Variants in NCAPH2 observed in about 807,000 individuals in gnomAD.
NCAPH2 encodes the protein non-SMC condensin II complex subunit H2, also known as condensin-2 complex subunit H2.
In NCAPH2, 56 loss-of-function variants were observed where a neutral mutation model predicts 88.6. The observed-to-expected ratio is 0.63, with a 90% CI of 0.51 to 0.79. The LOEUF is 0.79. Among genes scored for constraint, NCAPH2 ranks in the 30% least tolerant of loss-of-function variants. NCAPH2 has a pLI of 0.00. For missense variants in NCAPH2, 794 were observed against 792.0 expected, an observed-to-expected ratio of 1.00 and a Z score of -0.03; for synonymous variants, 378 against 313.6, an observed-to-expected ratio of 1.21 and a Z score of -2.17.
chr22:50,519,743 A>C, intron 9 of NCAPH2: 2 of 1,017,462 alleles, frequency 2.0e-6, no homozygotes, highest in Non-Finnish European at 2.4e-6. Context: ...TTAAAACAAA[A>C]TCAACCTGAT....
At chr22:50,517,329 G>A in intron 2 of NCAPH2, 98 bp from the exon 3 acceptor site, 2 of 1,251,598 alleles carry the variant, frequency 1.6e-6, no homozygotes, top group East Asian at 2.3e-5. Context: ...GTTTGGTGGT[G>A]GTGGCCAGGC....
chr22:50,513,377 G>T (rs758118985), intron 1 of NCAPH2, among the ~76,000 whole-genome samples: 1 of 151,992 alleles, frequency 6.6e-6, no homozygotes, highest in Non-Finnish European at 1.5e-5. Context: ...GGTGGCTCAC[G>T]CCTGTGATCC....
At position 50,524,341 on chromosome 22, in the gene NCAPH2, C is replaced by T; in HGVS notation, c.*966C>T. 1 of 1,601,778 alleles carries T rather than the reference C, an allele frequency of 6.2e-7. No individual in the cohort carries two copies. The highest frequency in any genetic ancestry group is 8.5e-7 in the Non-Finnish European group (1 of 1,179,932). On this transcript the variant is annotated 3_prime_UTR_variant, in exon 20 of 20. Coordinates refer to ENST00000420993, the MANE Select transcript of NCAPH2 (RefSeq NM_152299.4). Reference sequence around the variant, plus strand: ...ATGCAGGGCCTGGCCTCCCAGGGTCCCAGGGAGGACCCGAGGCTTGAGCTG... The same window carrying T: ...ATGCAGGGCCTGGCCTCCCAGGGTCTCAGGGAGGACCCGAGGCTTGAGCTG...
chr22:50,521,701 A>G (rs1257842533), intron 11 of NCAPH2, 40 bp from the exon 12 acceptor site: 1 of 1,612,508 alleles, frequency 6.2e-7, no homozygotes, highest in South Asian at 1.1e-5. Flanking sequence ...TTGCACCCTG[A>G]TCCCCCAGCG....
At chr22:50,516,607 T>A (rs2068931375) in intron 2 of NCAPH2, 59 bp downstream of exon 2, 6 of 1,520,170 alleles carry the variant, frequency 3.9e-6, no homozygotes, top group Non-Finnish European at 5.5e-6. Flanking sequence ...CACAGTCGGC[T>A]CTCCTTCTGG....
intron 1 of NCAPH2, among the ~76,000 whole-genome samples, chr22:50,516,200 T>C (rs2068917506): frequency 6.6e-6 from 1 of 152,114 alleles, no homozygotes; most frequent in Non-Finnish European, 1.5e-5. Flanking sequence ...GCCCTGGTTG[T>C]TTGTAGACAG....
rs1252293227 is a variant in NCAPH2, at chr22:50,519,230, G to T, written c.771G>T (p.Glu257Asp). The change falls in exon 9 of 20, where the codon GAG (glutamate) becomes GAT (aspartate). Residue 257 changes from glutamate (E) to aspartate (D), a missense_variant. By Grantham distance (45) the Glu-to-Asp change is conservative (BLOSUM62 2). Coordinates refer to ENST00000420993, the MANE Select transcript of NCAPH2 (RefSeq NM_152299.4). ...PEGPMPLGGG[E>D]DEDAEEAVEL... ...GCCCGATGCCCCTGGGTGGGGGCGA[G>T]GACGAGGATGCAGAGGAGGCAGTAG... is the stretch of plus-strand genomic sequence containing the variant. 14 of 1,610,414 alleles carry T rather than the reference G, an allele frequency of 8.7e-6. No homozygotes were observed. The highest frequency in any genetic ancestry group is 1.2e-5 in the Non-Finnish European group (14 of 1,178,964).
At chr22:50,511,285 CTTTTTTT>C (rs910583115) in intron 1 of NCAPH2, among the ~76,000 whole-genome samples, 1 of 109,670 alleles carries the variant, frequency 9.1e-6, no homozygotes. Context: ...GCCTCAGCCT[CTTTTTTT>C]TTTTTTTTTT....
At chr22:50,516,364 C>A in intron 1 of NCAPH2, 83 bp from the exon 2 acceptor site, 1 of 1,335,498 alleles carries the variant, frequency 7.5e-7, no homozygotes, top group Non-Finnish European at 1.1e-6. Flanking sequence ...TGGGCAGAGA[C>A]CAAAGATGGG....
In NCAPH2 at chr22:50,522,016, G is replaced by C. The variant is rs200153730; in HGVS notation, c.1139G>C (p.Arg380Pro). Residue 380 changes from arginine (R) to proline (P), a missense_variant, in exon 13 of 20, where the codon CGG becomes CCG. Arg to Pro is a moderately radical substitution (Grantham distance 103). This residue lies in a region of NCAPH2 where 735 missense variants were observed against 696.3 expected (regional missense o/e 1.06). Coordinates refer to ENST00000420993, the MANE Select transcript of NCAPH2 (RefSeq NM_152299.4). ...GACCATGCCGACAGCAGGCGGCTTC[G>C]GCGAAAGGGTCCGTCCTTTGCAGGT... ...YADHADSRRL[R>P]RKGPSFADME... 6.2e-6 allele frequency: 10 copies of C among 1,613,908 alleles called. No individual in the cohort carries two copies. The highest frequency in any genetic ancestry group is 7.6e-6 in the Non-Finnish European group (9 of 1,179,978).
chr22:50,521,175 C>G lies in NCAPH2; in HGVS notation c.933+139C>G. 3.2e-6 allele frequency: 3 copies of G among 938,544 alleles called. No homozygotes were observed. The South Asian group carries it at 4.9e-5, about 15-fold the overall frequency. 58.1% of individuals were successfully genotyped at this position (938,544 alleles called of 1,614,324 possible). ...CCCTTTGCACTTGCTCTCTTAAAGACCCCCTCATGCGACTCTGGGCTCCCA... is the reference window on the plus strand; with the variant it reads ...CCCTTTGCACTTGCTCTCTTAAAGAGCCCCTCATGCGACTCTGGGCTCCCA... On this transcript the variant is annotated intron_variant, in intron 10 of 19. Coordinates refer to ENST00000420993, the MANE Select transcript of NCAPH2 (RefSeq NM_152299.4).
At chr22:50,509,098 G>A (rs1333988875) in intron 1 of NCAPH2, among the ~76,000 whole-genome samples, 1 of 151,982 alleles carries the variant, frequency 6.6e-6, no homozygotes, top group Non-Finnish European at 1.5e-5. Flanking sequence ...GAAACATGGT[G>A]GTAGGATTTT....
At chr22:50,522,798 A>G (rs1399441137) in intron 17 of NCAPH2, 23 bp from the exon 18 acceptor site, 1 of 1,612,866 alleles carries the variant, frequency 6.2e-7, no homozygotes, top group Non-Finnish European at 8.5e-7. Flanking sequence ...GGGAGGCAGT[A>G]GCTCCTGCTG....
At chr22:50,522,457 C>G (rs567794981) in intron 15 of NCAPH2, 42 bp downstream of exon 15, 1 of 1,613,032 alleles carries the variant, frequency 6.2e-7, no homozygotes, top group African/African-American at 1.3e-5. Context: ...TGGCACCTGC[C>G]GACTAGCTGC....
Position 50,522,058 on chromosome 22 carries a change from G to T in NCAPH2, c.1162+19G>T. On this transcript the variant is annotated intron_variant, in intron 13 of 19. Coordinates refer to ENST00000420993, the MANE Select transcript of NCAPH2 (RefSeq NM_152299.4). ...TTTGCAGGTGAGGCTGAAGTCCTCG[G>T]GGAAGACAGTTTTACTCTCCTTCCC... The T allele has an allele frequency of 6.2e-7, 1 of 1,613,998 alleles. No homozygotes were observed. Among genetic ancestry groups the T allele is most frequent in the Non-Finnish European group, 8.5e-7 (1 of 1,179,922 alleles).
At chr22:50,523,210 C>T (rs2069169470) in intron 19 of NCAPH2, 25 bp from the exon 20 acceptor site, 1 of 1,613,446 alleles carries the variant, frequency 6.2e-7, no homozygotes. Context: ...GGTCCCCAGA[C>T]CCTGCTGATG....
rs201766858 is a variant in NCAPH2, at chr22:50,524,482, C to T, written c.*1107C>T. 99 of 1,526,096 alleles carry T rather than the reference C, an allele frequency of 6.5e-5. No individual in the cohort carries two copies. Among genetic ancestry groups the T allele is most frequent in the Non-Finnish European group, 6.4e-5 (71 of 1,112,364 alleles). 94.5% of individuals were successfully genotyped at this position (1,526,096 alleles called of 1,614,324 possible). A position where few individuals can be genotyped will look rare whatever the true frequency, so the allele number is the denominator to read the frequency against. Reference sequence around the variant, plus strand: ...GGGAAGGCCCAGGACAGTGCCTGGGCTGCCCCTGCGACTTGAGACCAGCCA... The same window carrying T: ...GGGAAGGCCCAGGACAGTGCCTGGGTTGCCCCTGCGACTTGAGACCAGCCA... On this transcript the variant is annotated 3_prime_UTR_variant, in exon 20 of 20. Transcript: ENST00000420993.
chr22:50,518,307 GGGAA>G lies in NCAPH2; in HGVS notation c.646+36_646+39del, dbSNP rs1295632919. On this transcript the variant is annotated intron_variant, in intron 7 of 19. Transcript: ENST00000420993. Reference sequence around the variant, plus strand: ...AGGGCTTGGATGCGGGGGGCTTGGTGGGAAGGAAGGGAGGGTCTTCTGGTTGGAC... The same window carrying G: ...AGGGCTTGGATGCGGGGGGCTTGGTGGGAAGGGAGGGTCTTCTGGTTGGAC... The G allele has an allele frequency of 1.9e-6, 3 of 1,604,818 alleles. No individual in the cohort carries two copies. The African/African-American group carries it at 4.0e-5, about 21-fold the overall frequency.
chr22:50,523,040 C>T lies in NCAPH2; in HGVS notation c.1551C>T (p.Ile517=). 2 of 1,601,438 alleles carry T rather than the reference C, an allele frequency of 1.2e-6. No individual in the cohort carries two copies. Among genetic ancestry groups the T allele is most frequent in the Non-Finnish European group, 1.7e-6 (2 of 1,171,608 alleles). Residue 517 remains isoleucine (I), a synonymous_variant, in exon 19 of 20, where the codon ATC becomes ATT. Transcript: ENST00000420993. Reference sequence around the variant, plus strand: ...AGGAGCAGCATGTGCCCTTTGACATCCACACCTATGGGGACCAGCTGGTCT... The same window carrying T: ...AGGAGCAGCATGTGCCCTTTGACATTCACACCTATGGGGACCAGCTGGTCT... The part of the protein sequence containing the change: ...QEQEQHVPFD[I]HTYGDQLVSR...
Sources: gnomAD v4.1 joint callset for allele counts (sites outside exome capture counted in the v4.1 genomes callset) on GRCh38, gnomAD v4.1.1 for gene constraint, gnomAD v4.1.1 regional missense constraint, MANE v1.5 for transcripts, NCBI Gene and HGNC (gene_info 2026-07-23, HGNC 2026-07-21) for gene names.